Variants in CHD1L observed in about 807,000 individuals in gnomAD.
CHD1L encodes ATP-dependent chromatin remodeler CHD1L.
In CHD1L, 118 loss-of-function variants were observed where a neutral mutation model predicts 115.9. That is an observed-to-expected ratio of 1.02 (90% confidence interval 0.88 to 1.19). The LOEUF (loss-of-function observed/expected upper bound fraction) is 1.19, where lower values mean the gene tolerates loss of function less well. CHD1L is among the 50% of genes most tolerant of loss of function. The pLI is 0.00. For missense variants in CHD1L, 1,179 were observed against 1,065.3 expected (o/e 1.11, Z -1.49); for synonymous variants, 411 against 387.1 (o/e 1.06, Z -0.72).
the CHD1L span, chr1:147,187,061 A>T: frequency 6.2e-7 from 1 of 1,614,102 alleles, no homozygotes; most frequent in Non-Finnish European, 8.5e-7. Context: ...GCCCCATCCC[A>T]CTTTCCAGGG....
At chr1:147,282,940 G>A (rs1553962924) in intron 15 of CHD1L, among the ~76,000 whole-genome samples, 1 of 152,172 alleles carries the variant, frequency 6.6e-6, no homozygotes, top group Admixed American at 6.5e-5. Flanking sequence ...GATTCTCCTG[G>A]TAGGATAGAG....
chr1:147,241,809 T>C (rs782764918), upstream of CHD1L, among the ~76,000 whole-genome samples: 48 of 152,180 alleles, frequency 3.2e-4, no homozygotes, highest in Non-Finnish European at 5.9e-4. Context: ...TAAATGAGAA[T>C]ACTATTCTAA....
intron 8 of CHD1L, among the ~76,000 whole-genome samples, chr1:147,266,528 T>TACTCAAACTACTCATGGAA (rs1553948433): frequency 1.3e-5 from 2 of 152,228 alleles, no homozygotes. Flanking sequence ...CATGATGAAA[T>TACTCAAACTACTCATGGAA]CTCACTCTGT....
At chr1:147,224,815 G>T in the CHD1L span, 1 of 1,439,282 alleles carries the variant, frequency 6.9e-7, no homozygotes, top group Non-Finnish European at 9.7e-7. Context: ...CCGGCCACCT[G>T]ACACTGTTAA....
chr1:147,291,201 C>T (rs1685395847), intron 19 of CHD1L, among the ~76,000 whole-genome samples: 1 of 152,112 alleles, frequency 6.6e-6, no homozygotes, highest in Non-Finnish European at 1.5e-5. Flanking sequence ...TCCCCAAAGC[C>T]CCCCAGCTAC....
At chr1:147,229,411 G>A in the CHD1L span, among the ~76,000 whole-genome samples, 1 of 152,092 alleles carries the variant, frequency 6.6e-6, no homozygotes, top group Non-Finnish European at 1.5e-5. Flanking sequence ...GGTTACTGTA[G>A]CCTTGTAGTA....
At chr1:147,289,236 T>C (rs1684567286) in intron 19 of CHD1L, among the ~76,000 whole-genome samples, 1 of 149,606 alleles carries the variant, frequency 6.7e-6, no homozygotes, top group African/African-American at 2.4e-5. Flanking sequence ...TTTAAAATCA[T>C]GTGGGAGAGA....
Position 147,284,374 on chromosome 1 carries a change from G to A in CHD1L, c.1729G>A (p.Gly577Ser), listed in dbSNP as rs1682203773. 4 of 1,583,754 alleles carry A rather than the reference G, an allele frequency of 2.5e-6. No homozygotes were observed. The highest frequency in any genetic ancestry group is 2.2e-5 in the East Asian group (1 of 44,464). The change falls in exon 16 of 23, where the codon GGT (glycine) becomes AGT (serine). Residue 577 changes from glycine (G) to serine (S), a missense_variant. Physicochemically the swap from Gly to Ser is moderately conservative, Grantham distance 56. Coordinates refer to ENST00000369258, the MANE Select transcript of CHD1L (RefSeq NM_004284.6). ...EGKNHMYLFEGKDYSKEPSKE... is the reference protein window; with the variant it reads ...EGKNHMYLFESKDYSKEPSKE... ...AGAAAATCATATGTACTTATTTGAA[G>A]GTAAAGATTATTCTAAAGAGCCCAG...
Position 147,295,535 on chromosome 1 carries a change from C to T in CHD1L, c.*26C>T. 6.6e-6 allele frequency: 10 copies of T among 1,516,926 alleles called. No individual in the cohort carries two copies. The highest frequency in any genetic ancestry group is 9.1e-6 in the Non-Finnish European group (10 of 1,096,594). 94.0% of individuals were successfully genotyped at this position (1,516,926 alleles called of 1,614,324 possible). ...GAATTGGCCCAGCCTCAGATCCTGT[C>T]TTTAGCAACCAGCTAATATTTACCC... On this transcript the variant is annotated 3_prime_UTR_variant, in exon 23 of 23. Coordinates refer to ENST00000369258, the MANE Select transcript of CHD1L (RefSeq NM_004284.6).
At chr1:147,204,374 A>G in the CHD1L span, 1 of 1,035,638 alleles carries the variant, frequency 9.7e-7, no homozygotes, top group Admixed American at 1.7e-5. Flanking sequence ...ATAGATACGC[A>G]TGCCTGAACA....
chr1:147,207,201 C>G, the CHD1L span, among the ~76,000 whole-genome samples: 3 of 151,984 alleles, frequency 2.0e-5, no homozygotes, highest in Admixed American at 1.3e-4. Context: ...GTCTTAATGA[C>G]TGCAACGTAC....
chr1:147,239,404 G>A (rs1451119250), upstream of CHD1L, among the ~76,000 whole-genome samples: 3 of 152,016 alleles, frequency 2.0e-5, no homozygotes, highest in Non-Finnish European at 2.9e-5. Flanking sequence ...CCAGTTGCTC[G>A]GGCCACATCC....
chr1:147,195,603 T>C, the CHD1L span, among the ~76,000 whole-genome samples: 6 of 152,142 alleles, frequency 3.9e-5, no homozygotes, highest in African/African-American at 1.4e-4. Context: ...TTGTAGGAAT[T>C]ATACACCAAG....
the CHD1L span, among the ~76,000 whole-genome samples, chr1:147,194,318 T>C: frequency 6.6e-6 from 1 of 152,168 alleles, no homozygotes; most frequent in Non-Finnish European, 1.5e-5. Context: ...TATCAGAGAC[T>C]AGGATTGCAA....
the CHD1L span, chr1:147,216,010 C>T: frequency 7.9e-7 from 1 of 1,273,178 alleles, no homozygotes; most frequent in Non-Finnish European, 1.1e-6. Flanking sequence ...AGCCAATAGA[C>T]ATCTGAAAAA....
the CHD1L span, among the ~76,000 whole-genome samples, chr1:147,228,063 G>C: frequency 6.6e-6 from 1 of 151,588 alleles, no homozygotes; most frequent in Middle Eastern, 3.4e-3. Flanking sequence ...CAACGTGCAG[G>C]TTAGTTACAT....
At chr1:147,279,187 C>G (rs1221019849) in intron 14 of CHD1L, among the ~76,000 whole-genome samples, 4 of 152,088 alleles carry the variant, frequency 2.6e-5, no homozygotes, top group African/African-American at 7.2e-5. Flanking sequence ...TTAACATTTC[C>G]AAGTTACTCA....
chr1:147,280,351 G>A (rs1429793155), intron 15 of CHD1L, among the ~76,000 whole-genome samples, 160 bp downstream of exon 15: 3 of 152,110 alleles, frequency 2.0e-5, no homozygotes, highest in Non-Finnish European at 2.9e-5. Context: ...ATAAAAGAAC[G>A]TTACCCAAAC....
chr1:147,261,267 C>T (rs72691033), intron 6 of CHD1L, among the ~76,000 whole-genome samples: 27,044 of 152,096 alleles, frequency 0.18, 3,072 homozygotes, highest in Middle Eastern at 0.26. Flanking sequence ...TATTTATCAC[C>T]GTTCTAGAGG....
Sources: allele counts gnomAD v4.1 joint callset (sites outside exome capture counted in the v4.1 genomes callset), GRCh38; gene constraint gnomAD v4.1.1; transcripts MANE v1.5; gene names NCBI Gene and HGNC (gene_info 2026-07-23, HGNC 2026-07-21).